Variants in SNTB2 observed in about 807,000 individuals in gnomAD.
The protein encoded by SNTB2 is syntrophin beta 2.
SNTB2 carries 34 observed loss-of-function variants against 46.2 expected under a neutral mutation model. The observed-to-expected ratio is 0.74, with a 90% CI of 0.56 to 0.98. The LOEUF (loss-of-function observed/expected upper bound fraction) is 0.98, where lower values mean the gene tolerates loss of function less well. Ranked by LOEUF, SNTB2 falls within the 50% of genes least tolerant of loss-of-function variation. The pLI is 0.00. For synonymous variants in SNTB2, 290 were observed against 312.6 expected (o/e 0.93, Z 0.76); for missense variants, 603 against 731.4 (o/e 0.82, Z 2.02).
At position 69,231,799 on chromosome 16, in the gene SNTB2, A is replaced by G. The variant is rs1411503793; in HGVS notation, c.581-13803A>G. 2.0e-5 allele frequency among the ~76,000 whole-genome samples: 3 copies of G among 152,208 alleles called. No individual in the cohort carries two copies. The East Asian group carries it at 5.8e-4, about 29-fold the overall frequency. ...TTTACTGGTAGCTGTCTTCCTTACA[A>G]AAACATTTCAAAATGCCAACTCAAG... On this transcript the variant is annotated intron_variant, in intron 1 of 6. Coordinates refer to ENST00000336278, the MANE Select transcript of SNTB2 (RefSeq NM_006750.4).
At chr16:69,260,408 C>G in intron 3 of SNTB2, 148 bp downstream of exon 3, 1 of 702,406 alleles carries the variant, frequency 1.4e-6, no homozygotes, top group Non-Finnish European at 2.4e-6. Flanking sequence ...TTTGTTTCAC[C>G]TCCCTTTTTC....
chr16:69,206,632 T>G (rs11640097), intron 1 of SNTB2, among the ~76,000 whole-genome samples: 41,322 of 149,070 alleles, frequency 0.28, 6,311 homozygotes, highest in African/African-American at 0.4. Context: ...TGGAGGTTGC[T>G]GTGAGCCAAG....
At chr16:69,222,648 A>G (rs536890594) in intron 1 of SNTB2, among the ~76,000 whole-genome samples, 11 of 152,110 alleles carry the variant, frequency 7.2e-5, no homozygotes, top group African/African-American at 1.2e-4. Context: ...TAAAAATTCT[A>G]TGTATGATTA....
chr16:69,194,704 C>T (rs1412509755), intron 1 of SNTB2, among the ~76,000 whole-genome samples: 1 of 152,078 alleles, frequency 6.6e-6, no homozygotes, highest in Non-Finnish European at 1.5e-5. Context: ...TTGGCCAGGC[C>T]TATATCAGGT....
At chr16:69,253,811 A>T (rs1329376651) in intron 2 of SNTB2, among the ~76,000 whole-genome samples, 1 of 152,192 alleles carries the variant, frequency 6.6e-6, no homozygotes, top group Admixed American at 6.5e-5. Flanking sequence ...CCAGTTATTA[A>T]TAACTAGGAT....
At chr16:69,260,457 C>T (rs1964824540) in intron 3 of SNTB2, among the ~76,000 whole-genome samples, 197 bp downstream of exon 3, 1 of 152,170 alleles carries the variant, frequency 6.6e-6, no homozygotes, top group African/African-American at 2.4e-5. Flanking sequence ...ATTATCCACT[C>T]AACCAGAAGT....
At chr16:69,190,376 T>C (rs1228374559) in intron 1 of SNTB2, among the ~76,000 whole-genome samples, 1 of 152,230 alleles carries the variant, frequency 6.6e-6, no homozygotes, top group Non-Finnish European at 1.5e-5. Flanking sequence ...AAAAGTTTCC[T>C]TTTTATCTCA....
At chr16:69,265,297 C>T (rs1964873749) in intron 3 of SNTB2, among the ~76,000 whole-genome samples, 1 of 152,120 alleles carries the variant, frequency 6.6e-6, no homozygotes, top group South Asian at 2.1e-4. Flanking sequence ...TTTTAACAGT[C>T]ACTACTTTAT....
chr16:69,255,877 C>CA (rs778719826), intron 2 of SNTB2, among the ~76,000 whole-genome samples: 10,376 of 104,386 alleles, frequency 0.099, 409 homozygotes, highest in African/African-American at 0.13. Context: ...AACTCTGTCT[C>CA]AAAAAAAAAA....
chr16:69,245,985 A>T (rs199591424), intron 2 of SNTB2, among the ~76,000 whole-genome samples, 170 bp downstream of exon 2: 1 of 152,156 alleles, frequency 6.6e-6, no homozygotes, highest in Non-Finnish European at 1.5e-5. Flanking sequence ...ATATACATGT[A>T]TATGTGTAGA....
intron 1 of SNTB2, among the ~76,000 whole-genome samples, chr16:69,198,897 T>G (rs868752654): frequency 0.012 from 1,110 of 95,370 alleles, 12 homozygotes; most frequent in African/African-American, 0.038. Flanking sequence ...TATAATAATG[T>G]TTTTTTTTTT....
At chr16:69,285,501 A>T (rs1379894879) in intron 5 of SNTB2, among the ~76,000 whole-genome samples, 1 of 145,062 alleles carries the variant, frequency 6.9e-6, no homozygotes, top group Non-Finnish European at 1.5e-5. Flanking sequence ...ATTTAAAGAG[A>T]CAGGGTCTAG....
chr16:69,226,634 G>T (rs1312657557), intron 1 of SNTB2, among the ~76,000 whole-genome samples: 2 of 152,170 alleles, frequency 1.3e-5, no homozygotes, highest in Non-Finnish European at 2.9e-5. Flanking sequence ...AGCTCAAGCA[G>T]TCCTCCCACG....
At chr16:69,250,885 A>G (rs1439521671) in intron 2 of SNTB2, among the ~76,000 whole-genome samples, 3 of 152,146 alleles carry the variant, frequency 2.0e-5, no homozygotes, top group Non-Finnish European at 2.9e-5. Flanking sequence ...ATTCTGTCTC[A>G]AAAAGAAATA....
intron 1 of SNTB2, among the ~76,000 whole-genome samples, chr16:69,220,384 A>T (rs977571155): frequency 8.0e-5 from 12 of 150,412 alleles, no homozygotes; most frequent in Non-Finnish European, 1.5e-4. Flanking sequence ...GATGGTCTCG[A>T]TCTCCTGACC....
chr16:69,262,631 C>T (rs527728730), intron 3 of SNTB2, among the ~76,000 whole-genome samples: 1 of 151,680 alleles, frequency 6.6e-6, no homozygotes, highest in East Asian at 1.9e-4. Context: ...ATTTATCATT[C>T]TTGTGGTAAA....
At chr16:69,245,538 T>C in intron 1 of SNTB2, 64 bp from the exon 2 acceptor site, 1 of 1,458,406 alleles carries the variant, frequency 6.9e-7, no homozygotes, top group Non-Finnish European at 9.6e-7. Context: ...TGTGAATACT[T>C]TAGTTATCAT....
At chr16:69,255,227 A>G (rs1307319071) in intron 2 of SNTB2, among the ~76,000 whole-genome samples, 1 of 151,910 alleles carries the variant, frequency 6.6e-6, no homozygotes, top group East Asian at 1.9e-4. Context: ...CCTCGCTAGT[A>G]GCTAGGACTG....
intron 1 of SNTB2, among the ~76,000 whole-genome samples, chr16:69,222,111 T>A (rs1055752796): frequency 7.2e-5 from 11 of 152,270 alleles, no homozygotes; most frequent in African/African-American, 1.2e-4. Context: ...AACTGGTTTT[T>A]AAATCACAAT....
Sources: allele counts gnomAD v4.1 joint callset (sites outside exome capture counted in the v4.1 genomes callset), GRCh38; gene constraint gnomAD v4.1.1; transcripts MANE v1.5; gene names NCBI Gene and HGNC (gene_info 2026-07-23, HGNC 2026-07-21).